Variants in RALY observed in about 807,000 individuals in gnomAD.
The protein encoded by RALY is RNA-binding protein Raly.
RALY carries 15 observed loss-of-function variants against 30.7 expected under a neutral mutation model. That is an observed-to-expected ratio of 0.49 (90% confidence interval 0.33 to 0.75). RALY has a LOEUF of 0.75. RALY is among the 30% of genes least tolerant of loss of function. The pLI, the probability that RALY is intolerant of heterozygous loss-of-function variation, is 0.02. For missense variants in RALY, 339 were observed against 414.3 expected (o/e 0.82, Z 1.58); for synonymous variants, 177 against 170.8 (o/e 1.04, Z -0.28).
intron 2 of RALY, among the ~76,000 whole-genome samples, chr20:34,051,600 T>C (rs1481469734): frequency 2.6e-5 from 4 of 151,904 alleles, no homozygotes; most frequent in African/African-American, 9.7e-5. Context: ...ATTTGATACT[T>C]TTTTTTTGTT....
chr20:34,025,293 G>GTC (rs201931011), intron 1 of RALY, among the ~76,000 whole-genome samples: 16 of 147,670 alleles, frequency 1.1e-4, no homozygotes, highest in African/African-American at 2.5e-4. Flanking sequence ...TCAGCAACAC[G>GTC]TCTCTCTCTC....
intron 2 of RALY, among the ~76,000 whole-genome samples, chr20:34,070,622 T>C (rs2033700390): frequency 6.6e-6 from 1 of 152,206 alleles, no homozygotes; most frequent in African/African-American, 2.4e-5. Context: ...GGAAGCAAAA[T>C]GATAAAGTTG....
intron 2 of RALY, among the ~76,000 whole-genome samples, chr20:34,043,646 C>A (rs928796222): frequency 5.9e-5 from 9 of 152,160 alleles, no homozygotes; most frequent in African/African-American, 2.2e-4. Flanking sequence ...TCTCCTCATA[C>A]CCTGTTCCAT....
chr20:34,007,964 G>A (rs1387891846), intron 1 of RALY, among the ~76,000 whole-genome samples: 1 of 152,082 alleles, frequency 6.6e-6, no homozygotes, highest in African/African-American at 2.4e-5. Flanking sequence ...TAGTCAATCA[G>A]GGACTGCAAG....
intron 1 of RALY, among the ~76,000 whole-genome samples, chr20:34,027,025 C>T (rs1368404826): frequency 6.6e-6 from 1 of 152,126 alleles, no homozygotes; most frequent in African/African-American, 2.4e-5. Flanking sequence ...ACCCAAGACC[C>T]ATATGACAGT....
chr20:34,003,446 A>G (rs1196804104), intron 1 of RALY, among the ~76,000 whole-genome samples: 1 of 152,082 alleles, frequency 6.6e-6, no homozygotes, highest in Non-Finnish European at 1.5e-5. Context: ...TGTAGGGAGC[A>G]GGGAGAGTGA....
At chr20:34,012,445 C>T (rs1412749744) in intron 1 of RALY, among the ~76,000 whole-genome samples, 2 of 152,034 alleles carry the variant, frequency 1.3e-5, no homozygotes, top group African/African-American at 4.8e-5. Context: ...TTGCTTGCCT[C>T]TTCTCTTTCT....
chr20:34,045,754 G>A (rs1419465990), intron 2 of RALY, among the ~76,000 whole-genome samples: 2 of 152,182 alleles, frequency 1.3e-5, no homozygotes, highest in Admixed American at 6.5e-5. Flanking sequence ...TGGTAATAGA[G>A]TGATTTCTGG....
At chr20:34,009,743 C>G (rs554380127) in intron 1 of RALY, among the ~76,000 whole-genome samples, 1 of 152,194 alleles carries the variant, frequency 6.6e-6, no homozygotes. Context: ...TGACTGGCTT[C>G]TTTAGACAGC....
intron 1 of RALY, among the ~76,000 whole-genome samples, chr20:34,018,652 G>A (rs1243015118): frequency 6.7e-6 from 1 of 149,944 alleles, no homozygotes; most frequent in Admixed American, 6.8e-5. Flanking sequence ...GTTCTGTTCT[G>A]GGTTTAGAAG....
chr20:34,063,435 A>G (rs1349789422), intron 2 of RALY, among the ~76,000 whole-genome samples: 1 of 152,142 alleles, frequency 6.6e-6, no homozygotes, highest in East Asian at 1.9e-4. Context: ...ATGCAACTTA[A>G]TGTGACTGTA....
At chr20:34,049,707 CAATCTTATGA>C (rs1194557185) in intron 2 of RALY, among the ~76,000 whole-genome samples, 3 of 152,202 alleles carry the variant, frequency 2.0e-5, no homozygotes, top group African/African-American at 7.2e-5. Flanking sequence ...ACCTTAACTG[CAATCTTATGA>C]CTTAGGAAAT....
At chr20:34,025,573 G>A (rs546639732) in intron 1 of RALY, among the ~76,000 whole-genome samples, 2 of 152,130 alleles carry the variant, frequency 1.3e-5, no homozygotes, top group South Asian at 4.2e-4. Flanking sequence ...CAAAGTGCTG[G>A]GATAACAGGC....
At chr20:34,000,780 T>C (rs1330024966) in intron 1 of RALY, among the ~76,000 whole-genome samples, 1 of 152,226 alleles carries the variant, frequency 6.6e-6, no homozygotes. Context: ...TCTGGCTATC[T>C]TCCCAACACA....
chr20:34,000,710 G>A (rs565981546), intron 1 of RALY, among the ~76,000 whole-genome samples: 35 of 152,282 alleles, frequency 2.3e-4, no homozygotes, highest in Non-Finnish European at 4.6e-4. Context: ...GAATACTTGG[G>A]TTTCTTAGAG....
intron 1 of RALY, among the ~76,000 whole-genome samples, chr20:34,005,072 C>T (rs1196374030): frequency 1.3e-5 from 2 of 152,172 alleles, no homozygotes; most frequent in African/African-American, 4.8e-5. Context: ...GCAGCATTTT[C>T]ATGTTAAACA....
At chr20:34,032,512 G>T (rs868522515) in intron 2 of RALY, among the ~76,000 whole-genome samples, 24 of 151,736 alleles carry the variant, frequency 1.6e-4, no homozygotes, top group African/African-American at 3.6e-4. Context: ...TTGTGTGTTG[G>T]GGGGGGTTTT....
chr20:34,025,932 G>A (rs1157597878), intron 1 of RALY, among the ~76,000 whole-genome samples: 1 of 146,298 alleles, frequency 6.8e-6, no homozygotes, highest in African/African-American at 2.5e-5. Flanking sequence ...GTGGGGGGTG[G>A]GGATAAGGAA....
chr20:34,077,447 T>C, intron 8 of RALY: 8 of 1,239,562 alleles, frequency 6.5e-6, no homozygotes, highest in Non-Finnish European at 8.8e-6. Context: ...GAAGTCCCAC[T>C]GAGGCCTAGG....
Sources: allele counts gnomAD v4.1 joint callset (sites outside exome capture counted in the v4.1 genomes callset), GRCh38; gene constraint gnomAD v4.1.1; transcripts MANE v1.5; gene names NCBI Gene and HGNC (gene_info 2026-07-23, HGNC 2026-07-21).